DCBLD2: variants seen among roughly 807,000 people sequenced by gnomAD.
DCBLD2 encodes discoidin, CUB and LCCL domain containing 2, also known as discoidin, CUB and LCCL domain-containing protein 2.
Under a neutral mutation model 86.8 loss-of-function variants are expected in DCBLD2, and 54 were observed. That is an observed-to-expected ratio of 0.62 (90% CI 0.50 to 0.78). DCBLD2 has a LOEUF of 0.78. Ranked by LOEUF, DCBLD2 falls within the 30% of genes least tolerant of loss-of-function variation. The probability of loss-of-function intolerance (pLI) is 0.00; values close to 1 mark genes in which losing one functional copy is unlikely to be tolerated. For missense variants in DCBLD2, 908 were observed against 954.2 expected (o/e 0.95, Z 0.64); for synonymous variants, 354 against 341.3 (o/e 1.04, Z -0.41).
rs148422142 is a variant in DCBLD2 at position 98,861,422 on chromosome 3, C to A, written c.434-11824G>T. 3.5e-4 allele frequency among the ~76,000 whole-genome samples: 53 copies of A among 152,308 alleles called. 1 individual carries two copies. The Middle Eastern group carries it at 0.01, about 29-fold the overall frequency. ...CTCCACCCCAAATCAACACAATATA[C>A]GTTCTTCTCAGCACCACATTGCACT... On this transcript the variant is annotated intron_variant, in intron 2 of 15. Transcript: ENST00000326840.
chr3:98,808,232 A>C (rs951176799), intron 12 of DCBLD2, 58 bp from the exon 13 acceptor site: 3 of 1,417,924 alleles, frequency 2.1e-6, no homozygotes, highest in Admixed American at 2.5e-5. Context: ...CAAAGGCAGA[A>C]ATCACTAGGG....
At chr3:98,856,739 A>G (rs948001823) in intron 2 of DCBLD2, among the ~76,000 whole-genome samples, 2 of 152,224 alleles carry the variant, frequency 1.3e-5, no homozygotes, top group Non-Finnish European at 2.9e-5. Context: ...GGAAAGAAAT[A>G]TAAGAAAAAG....
At chr3:98,818,214 T>C (rs1330818642) in intron 8 of DCBLD2, among the ~76,000 whole-genome samples, 1 of 152,192 alleles carries the variant, frequency 6.6e-6, no homozygotes, top group Non-Finnish European at 1.5e-5. Context: ...AAGATGATTA[T>C]TGGTATTATT....
At position 98,799,314 on chromosome 3, in the gene DCBLD2, A is replaced by T; in HGVS notation, c.*58T>A. On this transcript the variant is annotated 3_prime_UTR_variant, in exon 16 of 16. Coordinates refer to ENST00000326840, the MANE Select transcript of DCBLD2 (RefSeq NM_080927.4). ...ATTCTATATATTACTACCACTAATA[A>T]TTAAAAAAAAAAGGCCATGTGCTTT... The T allele has an allele frequency of 8.5e-7, 1 of 1,173,904 alleles. No individual in the cohort carries two copies. Among genetic ancestry groups the T allele is most frequent in the South Asian group, 1.5e-5 (1 of 64,760 alleles). The allele number at this position is 1,173,904 out of a possible 1,614,324, so 72.7% of individuals were successfully genotyped here.
At chr3:98,804,297 T>G (rs1265465413) in intron 13 of DCBLD2, among the ~76,000 whole-genome samples, 3 of 152,198 alleles carry the variant, frequency 2.0e-5, no homozygotes, top group Admixed American at 2.0e-4. Context: ...GTCCAGGAAT[T>G]TATCCATTTC....
At chr3:98,800,869 T>G (rs1941706288) in intron 14 of DCBLD2, 153 bp from the exon 15 acceptor site, 1 of 934,752 alleles carries the variant, frequency 1.1e-6, no homozygotes, top group Non-Finnish European at 1.6e-6. Context: ...TTTTTTTTTT[T>G]GCTGTGATAG....
At position 98,901,482 on chromosome 3, in the gene DCBLD2, G is replaced by T; in HGVS notation, c.-156C>A. The T allele has an allele frequency of 1.6e-6, 1 of 638,336 alleles. No homozygotes were observed. The highest frequency in any genetic ancestry group is 2.2e-6 in the Non-Finnish European group (1 of 449,836). The allele number at this position is 638,336 out of a possible 1,614,324, so 39.5% of individuals were successfully genotyped here. On this transcript the variant is annotated 5_prime_UTR_variant, in exon 1 of 16. Coordinates refer to ENST00000326840, the MANE Select transcript of DCBLD2 (RefSeq NM_080927.4). Reference sequence around the variant, plus strand: ...CCGGGACCCTTCCGCCCCTCACCCCGCTTTCACCTACTCCTCCTTCGTCCC... The same window carrying T: ...CCGGGACCCTTCCGCCCCTCACCCCTCTTTCACCTACTCCTCCTTCGTCCC...
intron 3 of DCBLD2, among the ~76,000 whole-genome samples, chr3:98,845,667 T>C (rs1233851257): frequency 6.6e-6 from 1 of 152,172 alleles, no homozygotes; most frequent in South Asian, 2.1e-4. Flanking sequence ...ACAGCTTCCA[T>C]GCACTCTTAG....
intron 6 of DCBLD2, chr3:98,820,899 GAA>G (rs1942109555): frequency 7.1e-6 from 1 of 141,368 alleles, no homozygotes; most frequent in Non-Finnish European, 1.5e-5. Flanking sequence ...TTTAAAGTAT[GAA>G]AGAGAGAATT....
chr3:98,893,419 A>C (rs1334977834), intron 1 of DCBLD2, among the ~76,000 whole-genome samples: 1 of 151,964 alleles, frequency 6.6e-6, no homozygotes, highest in East Asian at 1.9e-4. Context: ...AAAGATAGGC[A>C]AAGCTGCTTG....
At chr3:98,808,207 A>C in intron 12 of DCBLD2, 33 bp from the exon 13 acceptor site, 1 of 1,545,772 alleles carries the variant, frequency 6.5e-7, no homozygotes, top group South Asian at 1.2e-5. Flanking sequence ...AGACAAACAA[A>C]AGCCATATTA....
intron 3 of DCBLD2, among the ~76,000 whole-genome samples, chr3:98,837,936 C>T (rs1463519672): frequency 3.8e-5 from 3 of 79,400 alleles, no homozygotes; most frequent in African/African-American, 5.6e-5. Flanking sequence ...CCCCATCTCC[C>T]TCCCGGATGG....
chr3:98,864,500 T>A (rs1054011322), intron 2 of DCBLD2, among the ~76,000 whole-genome samples: 2 of 152,174 alleles, frequency 1.3e-5, no homozygotes, highest in Non-Finnish European at 2.9e-5. Flanking sequence ...GTGGCACATA[T>A]ACACCATGGA....
chr3:98,898,502 T>A (rs1033805978), intron 1 of DCBLD2, among the ~76,000 whole-genome samples: 16 of 151,746 alleles, frequency 1.1e-4, no homozygotes, highest in Non-Finnish European at 1.6e-4. Context: ...TACAGAAAAT[T>A]TAGAAAAGTA....
intron 9 of DCBLD2, chr3:98,815,668 T>C (rs775824599): frequency 2.7e-4 from 41 of 152,010 alleles, no homozygotes; most frequent in Admixed American, 7.9e-4. Context: ...GTTCCAGAGA[T>C]AGAGAAAAGC....
intron 3 of DCBLD2, among the ~76,000 whole-genome samples, chr3:98,827,642 A>G (rs552408128): frequency 2.6e-5 from 4 of 152,246 alleles, no homozygotes; most frequent in Non-Finnish European, 5.9e-5. Context: ...AGCCAAGAAG[A>G]CTGAAGATAA....
At chr3:98,870,236 G>C (rs1357491550) in intron 2 of DCBLD2, among the ~76,000 whole-genome samples, 1 of 152,146 alleles carries the variant, frequency 6.6e-6, no homozygotes, top group African/African-American at 2.4e-5. Context: ...CTTTGTCAAA[G>C]ATCAGTTGGT....
intron 2 of DCBLD2, among the ~76,000 whole-genome samples, chr3:98,859,299 G>A (rs894307619): frequency 7.2e-5 from 11 of 152,308 alleles, no homozygotes; most frequent in African/African-American, 2.4e-4. Flanking sequence ...ACCTCTGGGG[G>A]CAGGGCATAG....
chr3:98,863,505 CA>C, intron 2 of DCBLD2, among the ~76,000 whole-genome samples: 1 of 152,172 alleles, frequency 6.6e-6, no homozygotes, highest in East Asian at 1.9e-4. Context: ...GTACTGGGAC[CA>C]AAACAGAGAT....
Sources: gnomAD v4.1 joint callset for allele counts (sites outside exome capture counted in the v4.1 genomes callset) on GRCh38, gnomAD v4.1.1 for gene constraint, MANE v1.5 for transcripts, NCBI Gene and HGNC (gene_info 2026-07-23, HGNC 2026-07-21) for gene names.